Variants in TICAM2 observed in about 807,000 individuals in gnomAD.
The protein encoded by TICAM2 is TIR domain containing adaptor molecule 2.
A neutral mutation model predicts 7.3 loss-of-function variants in TICAM2; 8 were observed. That is an observed-to-expected ratio of 1.10 (90% CI 0.65 to 1.99). The LOEUF is 1.99. Ranked by LOEUF, TICAM2 falls within the 30% of genes most tolerant of loss-of-function variation. TICAM2 has a pLI of 0.00. For missense variants in TICAM2, 304 were observed against 278.8 expected (o/e 1.09, Z -0.65); for synonymous variants, 113 against 99.6 (o/e 1.13, Z -0.80).
intron 1 of TICAM2, among the ~76,000 whole-genome samples, chr5:115,593,377 C>G (rs1282212791): frequency 6.8e-6 from 1 of 146,094 alleles, no homozygotes; most frequent in Non-Finnish European, 1.5e-5. Context: ...TTTTTGAATA[C>G]CAATAACAAA....
At chr5:115,581,411 A>AG (rs1754918768) in intron 1 of TICAM2, 96 bp from the exon 2 acceptor site, 11 of 1,336,116 alleles carry the variant, frequency 8.2e-6, no homozygotes, top group Non-Finnish European at 1.1e-5. Flanking sequence ...AAAAGATTAT[A>AG]ATAGACAGAT....
At chr5:115,595,907 C>T (rs189393011) in intron 1 of TICAM2, among the ~76,000 whole-genome samples, 1 of 152,190 alleles carries the variant, frequency 6.6e-6, no homozygotes, top group South Asian at 2.1e-4. Flanking sequence ...AAGTACTCAT[C>T]CTCTGTATAT....
In TICAM2 at chr5:115,581,167, A is replaced by T. The variant is rs772063345; in HGVS notation, c.90T>A (p.His30Gln). Residue 30 changes from histidine (H) to glutamine (Q), a missense_variant, in exon 2 of 2, where the codon CAT becomes CAA. His to Gln is a conservative substitution (Grantham distance 24). Transcript: ENST00000427199. ...CTTCAGACTTCTTGGAATCTGACTC[A>T]TGATATCCTGGACTTGTATCCACAC... ...RHSVDTSPGY[H>Q]ESDSKKSEDL... 1 of 1,613,922 alleles carries T rather than the reference A, an allele frequency of 6.2e-7. No individual in the cohort carries two copies. The highest frequency in any genetic ancestry group is 8.5e-7 in the Non-Finnish European group (1 of 1,180,002).
intron 1 of TICAM2, among the ~76,000 whole-genome samples, chr5:115,594,432 G>C (rs1182302632): frequency 1.3e-5 from 2 of 152,198 alleles, no homozygotes; most frequent in South Asian, 4.1e-4. Flanking sequence ...ATGTATGTAA[G>C]TATGTGTGTT....
At chr5:115,586,846 G>A (rs1184048321) in intron 1 of TICAM2, among the ~76,000 whole-genome samples, 1 of 152,190 alleles carries the variant, frequency 6.6e-6, no homozygotes, top group Admixed American at 6.5e-5. Flanking sequence ...TTTTAGAGAT[G>A]TGAAGCCAGG....
chr5:115,582,685 C>T (rs1238300645), intron 1 of TICAM2, among the ~76,000 whole-genome samples: 1 of 152,160 alleles, frequency 6.6e-6, no homozygotes, highest in Non-Finnish European at 1.5e-5. Context: ...AGGTTTCATA[C>T]TTTCAAATGT....
intron 1 of TICAM2, among the ~76,000 whole-genome samples, chr5:115,594,686 A>T (rs1348626447): frequency 6.6e-6 from 1 of 152,242 alleles, no homozygotes; most frequent in East Asian, 1.9e-4. Context: ...TAGAAAAAAA[A>T]TATATGATAG....
In TICAM2 at chr5:115,582,396, C is replaced by G. The variant is rs1041533532; in HGVS notation, c.-59-1081G>C. On this transcript the variant is annotated intron_variant, in intron 1 of 1. Coordinates refer to ENST00000427199, the MANE Select transcript of TICAM2 (RefSeq NM_021649.7). ...ATATGTTGCCCAGGCTGGTCTCGAACTCCTGGGCTCAAGCAATCCTCCCGC... is the reference window on the plus strand; with the variant it reads ...ATATGTTGCCCAGGCTGGTCTCGAAGTCCTGGGCTCAAGCAATCCTCCCGC... Among the ~76,000 whole-genome samples, 3 of 143,594 alleles carry G rather than the reference C, an allele frequency of 2.1e-5. No individual in the cohort carries two copies. The South Asian group carries it at 6.6e-4, about 32-fold the overall frequency. The allele number at this position is 143,594 out of a possible 152,430, so 94.2% of individuals were successfully genotyped here.
At chr5:115,597,186 G>T (rs752436137) in intron 1 of TICAM2, among the ~76,000 whole-genome samples, 16 of 152,242 alleles carry the variant, frequency 1.1e-4, no homozygotes, top group Non-Finnish European at 1.8e-4. Flanking sequence ...CCACTGCAAC[G>T]CCCATTTCTG....
At chr5:115,599,406 CA>C (rs1180546186) in intron 1 of TICAM2, among the ~76,000 whole-genome samples, 1 of 152,224 alleles carries the variant, frequency 6.6e-6, no homozygotes, top group East Asian at 1.9e-4. Context: ...GGCAAATCTC[CA>C]AATCAGGAAG....
At chr5:115,584,078 C>T (rs1478250556) in intron 1 of TICAM2, among the ~76,000 whole-genome samples, 3 of 152,124 alleles carry the variant, frequency 2.0e-5, no homozygotes, top group Non-Finnish European at 4.4e-5. Flanking sequence ...TACTTATTCC[C>T]ATGGTCTCCT....
intron 1 of TICAM2, among the ~76,000 whole-genome samples, chr5:115,593,939 T>G (rs1014809986): frequency 2.0e-5 from 3 of 152,230 alleles, no homozygotes; most frequent in Non-Finnish European, 2.9e-5. Flanking sequence ...GGAAAAATGA[T>G]TGTAGACCAG....
At chr5:115,597,598 T>C (rs1240284683) in intron 1 of TICAM2, among the ~76,000 whole-genome samples, 5 of 152,174 alleles carry the variant, frequency 3.3e-5, no homozygotes, top group South Asian at 2.1e-4. Flanking sequence ...GACTGTAAAA[T>C]AGTATACAGA....
At chr5:115,582,300 G>A (rs1754954734) in intron 1 of TICAM2, among the ~76,000 whole-genome samples, 1 of 150,372 alleles carries the variant, frequency 6.7e-6, no homozygotes, top group South Asian at 2.1e-4. Flanking sequence ...GGGACTACAG[G>A]TACATGCCAC....
At position 115,581,160 on chromosome 5, in the gene TICAM2, C is replaced by G; in HGVS notation, c.97G>C (p.Asp33His). 1 of 1,613,920 alleles carries G rather than the reference C, an allele frequency of 6.2e-7. No homozygotes were observed. Among genetic ancestry groups the G allele is most frequent in the Non-Finnish European group, 8.5e-7 (1 of 1,179,996 alleles). Reference protein sequence around the residue: ...VDTSPGYHESDSKKSEDLSLC... With the variant: ...VDTSPGYHESHSKKSEDLSLC... ...GATAGATCTTCAGACTTCTTGGAAT[C>G]TGACTCATGATATCCTGGACTTGTA... is the stretch of plus-strand genomic sequence containing the variant. The change falls in exon 2 of 2, where the codon GAT becomes CAT. Residue 33 changes from aspartate (D) to histidine (H), a missense_variant. By Grantham distance (81) the Asp-to-His change is moderately conservative. Coordinates refer to ENST00000427199, the MANE Select transcript of TICAM2 (RefSeq NM_021649.7).
In TICAM2 at chr5:115,587,435, T is replaced by C. The variant is rs146702084; in HGVS notation, c.-59-6120A>G. On this transcript the variant is annotated intron_variant, in intron 1 of 1. Transcript: ENST00000427199. The stretch of plus-strand genomic sequence containing the variant: ...GATGGCATACCATTATAACTATTAC[T>C]GTTGTCTGGAAGTTTAGGTTTGTAA... Among the ~76,000 whole-genome samples, 701 of 152,294 alleles carry C rather than the reference T, an allele frequency of 4.6e-3. 8 individuals are homozygous for C. The highest frequency in any genetic ancestry group is 0.016 in the African/African-American group (665 of 41,560).
intron 1 of TICAM2, among the ~76,000 whole-genome samples, chr5:115,582,999 C>G (rs1754984045): frequency 6.6e-6 from 1 of 152,174 alleles, no homozygotes; most frequent in Non-Finnish European, 1.5e-5. Context: ...GGTTCTCGCT[C>G]CACGGTATAT....
rs1395071879 is a variant in TICAM2, at chr5:115,580,879, A to G, written c.378T>C (p.Asp126=). The G allele has an allele frequency of 3.1e-6, 5 of 1,613,722 alleles. No homozygotes were observed. Among genetic ancestry groups the G allele is most frequent in the Non-Finnish European group, 4.2e-6 (5 of 1,179,674 alleles). The change falls in exon 2 of 2, where the codon GAT becomes GAC. Residue 126 remains aspartate (D), a synonymous_variant. Coordinates refer to ENST00000427199, the MANE Select transcript of TICAM2 (RefSeq NM_021649.7). The part of the protein sequence containing the change: ...PCGRQHLQNL[D]DAVNGSAWTI... ...TCCATGCAGACCCATTTACAGCATC[A>G]TCTAAATTCTGTAAATGCTGTCTGC...
intron 1 of TICAM2, among the ~76,000 whole-genome samples, chr5:115,582,655 C>T (rs1445284587): frequency 1.3e-5 from 2 of 152,134 alleles, no homozygotes. Flanking sequence ...AAAGACAGAA[C>T]ATTTAGAATA....
Sources: allele counts gnomAD v4.1 joint callset (sites outside exome capture counted in the v4.1 genomes callset), GRCh38; gene constraint gnomAD v4.1.1; transcripts MANE v1.5; gene names NCBI Gene and HGNC (gene_info 2026-07-23, HGNC 2026-07-21).